SNAP25: variants seen among roughly 807,000 people sequenced by gnomAD.
SNAP25 encodes synaptosome associated protein 25, also known as synaptosomal-associated protein 25.
In SNAP25, 3 loss-of-function variants were observed where a neutral mutation model predicts 28.7. That is an observed-to-expected ratio of 0.10 (90% CI 0.05 to 0.27). SNAP25 has a LOEUF of 0.27. Ranked by LOEUF, SNAP25 falls within the 10% of genes least tolerant of loss-of-function variation. The pLI, the probability that SNAP25 is intolerant of heterozygous loss-of-function variation, is 1.00. For synonymous variants in SNAP25, 61 were observed against 88.1 expected, an observed-to-expected ratio of 0.69 and a Z score of 1.72; for missense variants, 117 against 278.7, an observed-to-expected ratio of 0.42 and a Z score of 4.13.
chr20:10,273,641 T>C (rs1358127545), intron 1 of SNAP25, among the ~76,000 whole-genome samples: 1 of 152,196 alleles, frequency 6.6e-6, no homozygotes, highest in African/African-American at 2.4e-5. Context: ...GGACACACTT[T>C]GTTCTACTAC....
chr20:10,289,739 A>T (rs551937279), intron 4 of SNAP25, among the ~76,000 whole-genome samples: 121 of 149,932 alleles, frequency 8.1e-4, no homozygotes, highest in African/African-American at 2.9e-3. Context: ...ATTAATGCTT[A>T]CTATTCTTCT....
chr20:10,271,775 T>G (rs2063597731), intron 1 of SNAP25, among the ~76,000 whole-genome samples: 1 of 152,044 alleles, frequency 6.6e-6, no homozygotes. Context: ...ACAGAAACAT[T>G]CATCAGCAAA....
rs182944557 is a variant in SNAP25 at position 10,227,409 on chromosome 20, C to T, written c.-64+8432C>T. On this transcript the variant is annotated intron_variant, in intron 1 of 7. Transcript: ENST00000254976. ...AGTGAGCGAATGGGGATACCAGCTA[C>T]CCCTTTGCAGAGAAAAGAATTCTAC... 1.2e-4 allele frequency among the ~76,000 whole-genome samples: 18 copies of T among 152,216 alleles called. 1 individual carries two copies. The highest frequency in any genetic ancestry group is 1.1e-3 in the Admixed American group (17 of 15,294).
At chr20:10,266,423 A>G (rs1056931966) in intron 1 of SNAP25, among the ~76,000 whole-genome samples, 4 of 152,204 alleles carry the variant, frequency 2.6e-5, no homozygotes, top group Admixed American at 6.5e-5. Flanking sequence ...AACAAATCCA[A>G]GTACTGGCTC....
chr20:10,225,472 C>T (rs2062719701), intron 1 of SNAP25, among the ~76,000 whole-genome samples: 1 of 152,078 alleles, frequency 6.6e-6, no homozygotes, highest in Non-Finnish European at 1.5e-5. Flanking sequence ...AACAATGATT[C>T]CAGAGAAATT....
In SNAP25 at chr20:10,306,463, C is replaced by G; in HGVS notation, c.*266C>G. 2.8e-6 allele frequency: 1 copy of G among 353,790 alleles called. No individual in the cohort carries two copies. The highest frequency in any genetic ancestry group is 5.2e-6 in the Non-Finnish European group (1 of 194,162). 21.9% of individuals were successfully genotyped at this position (353,790 alleles called of 1,614,324 possible). A position where few individuals can be genotyped will look rare whatever the true frequency, so the allele number is the denominator to read the frequency against. On this transcript the variant is annotated 3_prime_UTR_variant, in exon 8 of 8. Coordinates refer to ENST00000254976, the MANE Select transcript of SNAP25 (RefSeq NM_130811.4). ...TCTTGAGTTTCATTTTTCATTTTCTCTCCTCGGTGGCATTTGCTGAATAAC... is the reference window on the plus strand; with the variant it reads ...TCTTGAGTTTCATTTTTCATTTTCTGTCCTCGGTGGCATTTGCTGAATAAC...
intron 1 of SNAP25, among the ~76,000 whole-genome samples, chr20:10,242,865 A>G (rs2063059721): frequency 6.6e-6 from 1 of 152,260 alleles, no homozygotes; most frequent in Non-Finnish European, 1.5e-5. Context: ...GATTAGGTGC[A>G]CTTAATCAGT....
intron 1 of SNAP25, among the ~76,000 whole-genome samples, chr20:10,255,410 G>A (rs2063302917): frequency 6.6e-6 from 1 of 152,130 alleles, no homozygotes; most frequent in Non-Finnish European, 1.5e-5. Context: ...GAGGGTGAAT[G>A]GGTCAGGGTA....
intron 7 of SNAP25, among the ~76,000 whole-genome samples, chr20:10,304,045 G>C (rs1228140630): frequency 6.6e-6 from 1 of 152,114 alleles, no homozygotes; most frequent in Non-Finnish European, 1.5e-5. Context: ...TGAGCCCTTC[G>C]TTTTGCAAAA....
chr20:10,220,936 G>A (rs2122586151), intron 1 of SNAP25, among the ~76,000 whole-genome samples: 1 of 152,090 alleles, frequency 6.6e-6, no homozygotes, highest in South Asian at 2.1e-4. Context: ...ATGACCATGT[G>A]TTTCCATGTA....
At chr20:10,240,116 C>T (rs777924865) in intron 1 of SNAP25, among the ~76,000 whole-genome samples, 6 of 152,162 alleles carry the variant, frequency 3.9e-5, no homozygotes, top group Non-Finnish European at 8.8e-5. Context: ...CTTCCAAGCT[C>T]ATTCAGGTTG....
chr20:10,301,723 T>A (rs2064240804), intron 7 of SNAP25, among the ~76,000 whole-genome samples: 1 of 151,894 alleles, frequency 6.6e-6, no homozygotes, highest in Non-Finnish European at 1.5e-5. Context: ...ATAGTGAAGT[T>A]TTGGGAGTCC....
intron 4 of SNAP25, among the ~76,000 whole-genome samples, chr20:10,289,982 C>T (rs2063963407): frequency 6.6e-6 from 1 of 151,592 alleles, no homozygotes; most frequent in Admixed American, 6.6e-5. Context: ...TACCTGAAGA[C>T]CCCCTCCCTA....
At chr20:10,256,073 G>A (rs937656763) in intron 1 of SNAP25, among the ~76,000 whole-genome samples, 3 of 152,208 alleles carry the variant, frequency 2.0e-5, no homozygotes, top group African/African-American at 7.2e-5. Context: ...ACAGATTAAA[G>A]CCATCTTAGA....
chr20:10,284,870 T>A, intron 4 of SNAP25, 98 bp downstream of exon 4: 11 of 879,128 alleles, frequency 1.3e-5, no homozygotes, highest in Non-Finnish European at 1.5e-5. Context: ...TGACATGTGT[T>A]ACACATGTAC....
intron 1 of SNAP25, among the ~76,000 whole-genome samples, chr20:10,231,910 T>C (rs1054521576): frequency 1.3e-5 from 2 of 152,326 alleles, no homozygotes. Flanking sequence ...ACTCAACCTA[T>C]ACTGCTTACA....
chr20:10,240,283 G>A (rs2063002484), intron 1 of SNAP25, among the ~76,000 whole-genome samples: 1 of 152,158 alleles, frequency 6.6e-6, no homozygotes, highest in East Asian at 1.9e-4. Flanking sequence ...TCTCTCTTCA[G>A]GAAGGGCCGG....
chr20:10,230,274 G>A (rs1425528948), intron 1 of SNAP25, among the ~76,000 whole-genome samples: 2 of 152,110 alleles, frequency 1.3e-5, no homozygotes, highest in Non-Finnish European at 2.9e-5. Flanking sequence ...AGGAAGGGGT[G>A]GAGGGAATAT....
chr20:10,305,647 TATC>T (rs2064337282), intron 7 of SNAP25, among the ~76,000 whole-genome samples: 1 of 152,194 alleles, frequency 6.6e-6, no homozygotes, highest in African/African-American at 2.4e-5. Context: ...CAATATTTTT[TATC>T]ATCCAGGTTG....
Sources: allele counts gnomAD v4.1 joint callset (sites outside exome capture counted in the v4.1 genomes callset), GRCh38; gene constraint gnomAD v4.1.1; transcripts MANE v1.5; gene names NCBI Gene and HGNC (gene_info 2026-07-23, HGNC 2026-07-21).